ARFGEF1: variants seen among roughly 807,000 people sequenced by gnomAD.
ARFGEF1 encodes ARF guanine nucleotide exchange factor 1, also known as brefeldin A-inhibited guanine nucleotide-exchange protein 1.
A neutral mutation model predicts 231.0 loss-of-function variants in ARFGEF1; 42 were observed. The ratio of observed to expected loss-of-function variants is 0.18; its 90% CI spans 0.14 to 0.24. The LOEUF (loss-of-function observed/expected upper bound fraction) is 0.24, where lower values mean the gene tolerates loss of function less well. Ranked by LOEUF, ARFGEF1 falls within the 10% of genes least tolerant of loss-of-function variation. ARFGEF1 has a pLI of 1.00. For missense variants in ARFGEF1, 1,345 were observed against 2,192.0 expected, an observed-to-expected ratio of 0.61 and a Z score of 7.72; for synonymous variants, 710 against 732.3, an observed-to-expected ratio of 0.97 and a Z score of 0.49.
chr8:67,258,767 T>C (rs934843881), intron 15 of ARFGEF1, among the ~76,000 whole-genome samples: 3 of 152,028 alleles, frequency 2.0e-5, no homozygotes, highest in Non-Finnish European at 4.4e-5. Context: ...AATGCCTTCA[T>C]AAATATATCA....
chr8:67,310,490 C>T (rs1301500499), intron 1 of ARFGEF1, among the ~76,000 whole-genome samples: 4 of 152,192 alleles, frequency 2.6e-5, no homozygotes, highest in African/African-American at 4.8e-5. Flanking sequence ...CCCAAAGTGC[C>T]GAGATTGGAG....
At chr8:67,244,314 T>C (rs1387927954) in intron 19 of ARFGEF1, among the ~76,000 whole-genome samples, 2 of 74,000 alleles carry the variant, frequency 2.7e-5, no homozygotes, top group Non-Finnish European at 4.6e-5. Flanking sequence ...GTTGTTGTTG[T>C]TGTTTTTTTT....
At chr8:67,174,394 TAGTG>T (rs1230886124), downstream of ARFGEF1, 1 of 152,130 alleles carries the variant, frequency 6.6e-6, no homozygotes, top group Non-Finnish European at 1.5e-5. Context: ...GCAGTGTAAT[TAGTG>T]AGTCAAAGGG....
chr8:67,288,875 A>G (rs1805875137), intron 6 of ARFGEF1, among the ~76,000 whole-genome samples: 1 of 152,160 alleles, frequency 6.6e-6, no homozygotes. Context: ...TTTCACCAAC[A>G]TAATCTACAT....
At chr8:67,294,028 A>C (rs770379959) in intron 5 of ARFGEF1, among the ~76,000 whole-genome samples, 1 of 152,034 alleles carries the variant, frequency 6.6e-6, no homozygotes, top group Non-Finnish European at 1.5e-5. Flanking sequence ...TGGCGGGGGG[A>C]AAGAATAGCT....
rs184905918 is a variant in ARFGEF1 at position 67,246,160 on chromosome 8, G to T, written c.2850+5139C>A. On this transcript the variant is annotated intron_variant, in intron 19 of 38. Coordinates refer to ENST00000262215, the MANE Select transcript of ARFGEF1 (RefSeq NM_006421.5). ...AAAGACAGAGACAGACCCCAATACAGTAACAGCTGGAGACTTCAACACCTC... is the reference window on the plus strand; with the variant it reads ...AAAGACAGAGACAGACCCCAATACATTAACAGCTGGAGACTTCAACACCTC... Among the ~76,000 whole-genome samples the T allele has an allele frequency of 3.5e-4, 52 of 150,382 alleles. 2 individuals carry two copies. The highest frequency in any genetic ancestry group is 3.1e-3 in the Admixed American group (46 of 15,046).
intron 1 of ARFGEF1, among the ~76,000 whole-genome samples, chr8:67,310,466 G>A (rs1026998795): frequency 2.0e-5 from 3 of 152,192 alleles, no homozygotes; most frequent in Non-Finnish European, 2.9e-5. Context: ...CCTCCCAGCC[G>A]CCTGCCTTGG....
chr8:67,253,208 C>G (rs551797568), intron 18 of ARFGEF1, among the ~76,000 whole-genome samples: 1 of 152,252 alleles, frequency 6.6e-6, no homozygotes, highest in South Asian at 2.1e-4. Context: ...TTACTTTATT[C>G]TAAATCAAGT....
At chr8:67,177,592 G>C in intron 5 of ARFGEF1, 3 of 792,650 alleles carry the variant, frequency 3.8e-6, no homozygotes, top group Non-Finnish European at 6.4e-6. Flanking sequence ...CCAGTAGAGA[G>C]CTAGTCAAAA....
At chr8:67,331,239 A>G (rs906260056) in intron 1 of ARFGEF1, among the ~76,000 whole-genome samples, 2 of 152,188 alleles carry the variant, frequency 1.3e-5, no homozygotes, top group Admixed American at 6.6e-5. Context: ...CTTTTAAAAT[A>G]CATACTTATT....
At chr8:67,185,205 G>A (rs1161510648) in intron 5 of ARFGEF1, among the ~76,000 whole-genome samples, 1 of 152,144 alleles carries the variant, frequency 6.6e-6, no homozygotes, top group East Asian at 1.9e-4. Flanking sequence ...CTCTTGAGAA[G>A]TGGTTGTTTA....
intron 7 of ARFGEF1, among the ~76,000 whole-genome samples, chr8:67,283,789 T>C (rs997702556): frequency 4.6e-5 from 7 of 152,180 alleles, no homozygotes; most frequent in African/African-American, 1.7e-4. Flanking sequence ...CAAACTGAGA[T>C]ACATTTCTCA....
chr8:67,339,643 G>A (rs561826293), intron 1 of ARFGEF1, among the ~76,000 whole-genome samples: 14 of 151,480 alleles, frequency 9.2e-5, no homozygotes, highest in Admixed American at 7.2e-4. Flanking sequence ...CAGGATTCTC[G>A]AGAGCAGGAA....
At chr8:67,184,979 CT>C (rs1174672613) in intron 5 of ARFGEF1, among the ~76,000 whole-genome samples, 1 of 147,670 alleles carries the variant, frequency 6.8e-6, no homozygotes, top group Non-Finnish European at 1.5e-5. Context: ...TGGTGGGCAC[CT>C]ATAAGTCCCA....
At chr8:67,255,668 A>C (rs1432261585) in intron 17 of ARFGEF1, among the ~76,000 whole-genome samples, 1 of 152,248 alleles carries the variant, frequency 6.6e-6, no homozygotes, top group Non-Finnish European at 1.5e-5. Flanking sequence ...ATTTTCTAAC[A>C]GATTACTTAG....
chr8:67,272,834 G>A (rs1370044935), intron 9 of ARFGEF1, among the ~76,000 whole-genome samples: 10 of 152,068 alleles, frequency 6.6e-5, no homozygotes, highest in Admixed American at 6.5e-5. Context: ...AAGGCCAGGC[G>A]TGGTGGCTCA....
At chr8:67,309,133 T>C (rs1806878316) in intron 1 of ARFGEF1, among the ~76,000 whole-genome samples, 1 of 151,936 alleles carries the variant, frequency 6.6e-6, no homozygotes, top group Admixed American at 6.6e-5. Flanking sequence ...AGTGAAAAAA[T>C]GGAAGATACT....
chr8:67,247,175 T>G (rs1271547950), intron 19 of ARFGEF1, among the ~76,000 whole-genome samples: 1 of 150,232 alleles, frequency 6.7e-6, no homozygotes, highest in African/African-American at 2.5e-5. Flanking sequence ...TGTAAAGAAC[T>G]AATACGAATC....
chr8:67,278,219 T>G (rs542823552), intron 7 of ARFGEF1, among the ~76,000 whole-genome samples: 1 of 152,174 alleles, frequency 6.6e-6, no homozygotes, highest in Non-Finnish European at 1.5e-5. Context: ...ACACATGCTG[T>G]ACTATAAGGA....
Sources: allele counts gnomAD v4.1 joint callset (sites outside exome capture counted in the v4.1 genomes callset), GRCh38; gene constraint gnomAD v4.1.1; transcripts MANE v1.5; gene names NCBI Gene and HGNC (gene_info 2026-07-23, HGNC 2026-07-21).